PCDH11X: variants seen among roughly 807,000 people sequenced by gnomAD.
PCDH11X encodes the protein protocadherin-11 X-linked.
Under a neutral mutation model 53.3 loss-of-function variants are expected in PCDH11X, and 18 were observed. The observed-to-expected ratio is 0.34, with a 90% CI of 0.23 to 0.50. The LOEUF (loss-of-function observed/expected upper bound fraction) is 0.50, where lower values mean the gene tolerates loss of function less well. Ranked by LOEUF, PCDH11X falls within the 20% of genes least tolerant of loss-of-function variation. The pLI, the probability that PCDH11X is intolerant of heterozygous loss-of-function variation, is 0.98. For missense variants in PCDH11X, 570 were observed against 1,032.4 expected (o/e 0.55, Z 6.14); for synonymous variants, 279 against 393.3 (o/e 0.71, Z 3.44).
At chrX:92,579,410 A>G (rs999016514) in intron 10 of PCDH11X, among the ~76,000 whole-genome samples, 2 of 107,774 alleles carry the variant, frequency 1.9e-5, no homozygotes, top group Non-Finnish European at 3.8e-5. Flanking sequence ...GTCTTTTTAC[A>G]TAATTTGATA....
intron 9 of PCDH11X, chrX:92,460,511 C>T (rs1163669745): frequency 2.8e-6 from 2 of 714,171 alleles, no homozygotes; most frequent in Non-Finnish European, 4.4e-6. Flanking sequence ...GTGGTCACCA[C>T]AGTCCGCCGA....
At chrX:92,222,293 G>C (rs764552755) in intron 7 of PCDH11X, among the ~76,000 whole-genome samples, 1 of 111,872 alleles carries the variant, frequency 8.9e-6, no homozygotes, top group East Asian at 2.8e-4. Flanking sequence ...TGTTTCACAG[G>C]TAAAAATGTC....
chrX:91,815,777 G>T lies in PCDH11X; in HGVS notation c.-45+4482G>T, dbSNP rs911659353. Among the ~76,000 whole-genome samples the T allele has an allele frequency of 1.4e-4, 15 of 107,168 alleles. No homozygotes were observed. The Admixed American group carries it at 1.5e-3, about 11-fold the overall frequency. 93.1% of individuals were successfully genotyped at this position (107,168 alleles called of 115,157 possible). A position where few individuals can be genotyped will look rare whatever the true frequency, so the allele number is the denominator to read the frequency against. ...AGAAAGCATATTTTGACATGTTGAC[G>T]TGTTAATATATTGACACATGGGAAA... On this transcript the variant is annotated intron_variant, in intron 4 of 10. Transcript: ENST00000682573.
intron 10 of PCDH11X, among the ~76,000 whole-genome samples, chrX:92,563,466 C>T (rs1020169829): frequency 1.9e-5 from 2 of 107,478 alleles, no homozygotes; most frequent in African/African-American, 3.4e-5. Flanking sequence ...CCAGGAAGCA[C>T]ATTCAAATTA....
chrX:91,942,692 T>C lies in PCDH11X; in HGVS notation c.3033+63419T>C, dbSNP rs2525391. Reference sequence around the variant, plus strand: ...CTGACAGTTAAAGTGGAGAGAATACTTCCCAATTCCTTCTATCAGGCCAGC... The same window carrying C: ...CTGACAGTTAAAGTGGAGAGAATACCTCCCAATTCCTTCTATCAGGCCAGC... On this transcript the variant is annotated intron_variant, in intron 6 of 10. Transcript: ENST00000682573. Among the ~76,000 whole-genome samples the C allele has an allele frequency of 7.2e-5, 8 of 111,055 alleles. No individual in the cohort carries two copies. In the South Asian group the frequency reaches 1.1e-3, roughly 16 times the overall value.
At chrX:91,824,281 G>C (rs1197388022) in intron 4 of PCDH11X, among the ~76,000 whole-genome samples, 2 of 110,660 alleles carry the variant, frequency 1.8e-5, no homozygotes, top group Non-Finnish European at 3.8e-5. Flanking sequence ...TTCCAACTTG[G>C]TTCCATTCTC....
intron 6 of PCDH11X, among the ~76,000 whole-genome samples, chrX:92,134,129 G>A (rs2065043109): frequency 1.8e-5 from 2 of 111,507 alleles, no homozygotes; most frequent in Admixed American, 1.9e-4. Flanking sequence ...TTATGCCTAA[G>A]TCTAGGTTAG....
chrX:92,497,417 A>T (rs1419038789), intron 10 of PCDH11X, among the ~76,000 whole-genome samples: 19 of 105,366 alleles, frequency 1.8e-4, no homozygotes, highest in African/African-American at 5.8e-4. Flanking sequence ...CTTTGTAAGA[A>T]TTTTTTTTTT....
chrX:92,530,674 T>C (rs2074537586), intron 10 of PCDH11X, among the ~76,000 whole-genome samples: 1 of 112,563 alleles, frequency 8.9e-6, no homozygotes, highest in African/African-American at 3.2e-5. Context: ...TTTTATCACC[T>C]GGGTGATGAA....
intron 6 of PCDH11X, among the ~76,000 whole-genome samples, chrX:92,012,482 G>A (rs1468725922): frequency 9.0e-6 from 1 of 111,628 alleles, no homozygotes; most frequent in African/African-American, 3.3e-5. Context: ...TGTACAAAAT[G>A]TTTATAAATA....
intron 5 of PCDH11X, among the ~76,000 whole-genome samples, chrX:91,853,819 A>G (rs1292934578): frequency 9.0e-6 from 1 of 111,463 alleles, no homozygotes; most frequent in Non-Finnish European, 1.9e-5. Context: ...CTTGAATTTT[A>G]TAGTGTTTTT....
intron 6 of PCDH11X, among the ~76,000 whole-genome samples, chrX:92,021,807 A>G (rs1472876106): frequency 9.1e-6 from 1 of 109,462 alleles, no homozygotes; most frequent in Non-Finnish European, 1.9e-5. Flanking sequence ...AGCCCATCAT[A>G]CTAACAGCAG....
intron 9 of PCDH11X, among the ~76,000 whole-genome samples, chrX:92,445,636 G>A (rs1288289627): frequency 2.8e-5 from 3 of 108,973 alleles, no homozygotes; most frequent in East Asian, 2.9e-4. Context: ...GTCTAAAACC[G>A]ATTTTAAAAC....
chrX:92,075,372 C>T (rs990501961), intron 6 of PCDH11X, among the ~76,000 whole-genome samples: 5 of 108,494 alleles, frequency 4.6e-5, no homozygotes, highest in South Asian at 4.1e-4. Context: ...CAGGAAACTA[C>T]GTTGTTAACA....
intron 4 of PCDH11X, among the ~76,000 whole-genome samples, chrX:91,815,854 A>C (rs930423400): frequency 1.8e-5 from 2 of 110,756 alleles, no homozygotes; most frequent in Non-Finnish European, 3.8e-5. Flanking sequence ...TATAGTGGAT[A>C]TGGGAAAGGT....
intron 6 of PCDH11X, among the ~76,000 whole-genome samples, chrX:91,974,950 C>G (rs2062026076): frequency 9.1e-6 from 1 of 110,295 alleles, no homozygotes; most frequent in South Asian, 3.9e-4. Flanking sequence ...TGGGGTTTCT[C>G]CATGTTGGTC....
At chrX:91,827,837 T>C (rs763958282) in intron 4 of PCDH11X, among the ~76,000 whole-genome samples, 1 of 109,550 alleles carries the variant, frequency 9.1e-6, no homozygotes, top group South Asian at 4.0e-4. Flanking sequence ...GTACCGTTAC[T>C]GTAGCCCTGT....
rs759658647 is a variant in PCDH11X at position 92,273,484 on chromosome X, G to T, written c.3144+10341G>T. On this transcript the variant is annotated intron_variant, in intron 8 of 10. Transcript: ENST00000682573. ...CCTTTCCGTGCAAGTCACAGGGGATGTGATGGCTTGGCTTGGGCTCAGAGG... is the reference window on the plus strand; with the variant it reads ...CCTTTCCGTGCAAGTCACAGGGGATTTGATGGCTTGGCTTGGGCTCAGAGG... 4.0e-4 allele frequency among the ~76,000 whole-genome samples: 45 copies of T among 111,360 alleles called. No homozygotes were observed. In the East Asian group the frequency reaches 0.011, roughly 27 times the overall value.
rs1189664052 is a variant in PCDH11X, at chrX:92,263,096, CATT to C, written c.3115-17_3115-15del. On this transcript the variant is annotated splice_polypyrimidine_tract_variant and intron_variant, in intron 7 of 10. Transcript: ENST00000682573. ...TATTTTCCTTTGCTTCCCTTGCCTC[CATT>C]TTATCCTAAATCAGCGGAAATCTGA... 8.5e-7 allele frequency: 1 copy of C among 1,179,083 alleles called. No homozygotes were observed. The highest frequency in any genetic ancestry group is 1.9e-5 in the South Asian group (1 of 52,374).
Sources: allele counts gnomAD v4.1 joint callset (sites outside exome capture counted in the v4.1 genomes callset), GRCh38; gene constraint gnomAD v4.1.1; transcripts MANE v1.5; gene names NCBI Gene and HGNC (gene_info 2026-07-23, HGNC 2026-07-21).